EML6: variants seen among roughly 807,000 people sequenced by gnomAD.
The protein encoded by EML6 is echinoderm microtubule-associated protein-like 6.
Under a neutral mutation model 240.1 loss-of-function variants are expected in EML6, and 154 were observed. The ratio of observed to expected loss-of-function variants is 0.64; its 90% confidence interval spans 0.56 to 0.73. The LOEUF (loss-of-function observed/expected upper bound fraction) is 0.73, where lower values mean the gene tolerates loss of function less well. Ranked by LOEUF, EML6 falls within the 30% of genes least tolerant of loss-of-function variation. EML6 has a pLI of 0.00. For missense variants in EML6, 2,964 were observed against 2,474.6 expected, an observed-to-expected ratio of 1.20 and a Z score of -4.20; for synonymous variants, 1,148 against 899.0, an observed-to-expected ratio of 1.28 and a Z score of -4.95.
At chr2:54,825,526 G>A (rs926318665) in intron 5 of EML6, among the ~76,000 whole-genome samples, 4 of 152,118 alleles carry the variant, frequency 2.6e-5, no homozygotes, top group Non-Finnish European at 5.9e-5. Context: ...GCTTCCCAAA[G>A]TGCTGGTATT....
intron 2 of EML6, chr2:54,747,039 A>G (rs1220906372): frequency 2.0e-5 from 3 of 152,226 alleles, no homozygotes; most frequent in Non-Finnish European, 4.4e-5. Context: ...TATTTTCTAC[A>G]GCCTGTGCTC....
At chr2:54,745,473 A>G (rs1260938852) in intron 2 of EML6, among the ~76,000 whole-genome samples, 2 of 152,162 alleles carry the variant, frequency 1.3e-5, no homozygotes, top group Non-Finnish European at 2.9e-5. Context: ...TGTGAAATGA[A>G]AAGGCACAAG....
At chr2:54,728,934 A>G (rs1001533208) in intron 2 of EML6, among the ~76,000 whole-genome samples, 1 of 152,106 alleles carries the variant, frequency 6.6e-6, no homozygotes, top group Non-Finnish European at 1.5e-5. Context: ...GGAATGATTC[A>G]TCTTCCCCGC....
chr2:54,913,078 T>G (rs949017458), intron 25 of EML6, among the ~76,000 whole-genome samples: 4 of 151,434 alleles, frequency 2.6e-5, no homozygotes, highest in African/African-American at 4.8e-5. Context: ...TCTGTTTTTT[T>G]TTTTTTTTTT....
chr2:54,766,760 T>C (rs1481320315), intron 2 of EML6, among the ~76,000 whole-genome samples: 1 of 152,190 alleles, frequency 6.6e-6, no homozygotes, highest in African/African-American at 2.4e-5. Context: ...ATTATTATGA[T>C]TGCCAAATTA....
At chr2:54,896,981 G>C (rs533090603) in intron 21 of EML6, among the ~76,000 whole-genome samples, 2 of 152,308 alleles carry the variant, frequency 1.3e-5, no homozygotes, top group South Asian at 4.1e-4. Context: ...GCATCCTTGA[G>C]GCAATGAGGT....
At chr2:54,781,976 A>G (rs1016092859) in intron 2 of EML6, among the ~76,000 whole-genome samples, 15 of 152,122 alleles carry the variant, frequency 9.9e-5, no homozygotes, top group African/African-American at 3.6e-4. Context: ...GACTACAAAT[A>G]TATCTTTTAA....
At chr2:54,860,487 G>C (rs1050251245) in intron 12 of EML6, among the ~76,000 whole-genome samples, 2 of 152,144 alleles carry the variant, frequency 1.3e-5, no homozygotes, top group Non-Finnish European at 2.9e-5. Context: ...CAGGGATTTA[G>C]AGGGGCAGAC....
At chr2:54,835,162 A>G (rs1669075618) in intron 7 of EML6, among the ~76,000 whole-genome samples, 1 of 152,130 alleles carries the variant, frequency 6.6e-6, no homozygotes, top group East Asian at 1.9e-4. Flanking sequence ...TAGAATTGCA[A>G]CTCATTCTGC....
At chr2:54,741,991 AC>A (rs1306614187) in intron 2 of EML6, among the ~76,000 whole-genome samples, 1 of 152,226 alleles carries the variant, frequency 6.6e-6, no homozygotes, top group Non-Finnish European at 1.5e-5. Flanking sequence ...CAAAGGACAA[AC>A]AATAAGTACA....
At chr2:54,772,438 A>G (rs1284128247) in intron 2 of EML6, among the ~76,000 whole-genome samples, 2 of 152,250 alleles carry the variant, frequency 1.3e-5, no homozygotes, top group Non-Finnish European at 2.9e-5. Context: ...GGTGAAAATT[A>G]TAAAACATTT....
chr2:54,806,844 A>C (rs1670521493), intron 2 of EML6, among the ~76,000 whole-genome samples: 2 of 152,184 alleles, frequency 1.3e-5, no homozygotes, highest in South Asian at 4.2e-4. Context: ...TGGATGAGAA[A>C]CTGGGGCACA....
At chr2:54,938,783 GTTTGTC>G (rs1675280316) in intron 28 of EML6, among the ~76,000 whole-genome samples, 1 of 152,198 alleles carries the variant, frequency 6.6e-6, no homozygotes, top group African/African-American at 2.4e-5. Flanking sequence ...AGAAGATTTT[GTTTGTC>G]TTTGTTCTGT....
At chr2:54,907,930 AGATAGATAGATAGAT>A in intron 24 of EML6, among the ~76,000 whole-genome samples, 1 of 63,368 alleles carries the variant, frequency 1.6e-5, no homozygotes, top group Admixed American at 1.4e-4. Context: ...ATAGATAGAT[AGATAGATAGATAGAT>A]AAGATAGATA....
chr2:54,940,680 G>A (rs987011720), intron 28 of EML6, among the ~76,000 whole-genome samples: 7 of 152,160 alleles, frequency 4.6e-5, no homozygotes, highest in Non-Finnish European at 1.0e-4. Flanking sequence ...CTTGGTCAGC[G>A]ACCACTTTTA....
intron 3 of EML6, among the ~76,000 whole-genome samples, chr2:54,815,054 C>T (rs944881926): frequency 3.3e-5 from 5 of 152,174 alleles, no homozygotes; most frequent in African/African-American, 2.4e-5. Context: ...CTTCTCTAAT[C>T]GGATTTTGTT....
At chr2:54,792,940 G>A (rs1669534809) in intron 2 of EML6, among the ~76,000 whole-genome samples, 1 of 152,150 alleles carries the variant, frequency 6.6e-6, no homozygotes, top group Non-Finnish European at 1.5e-5. Flanking sequence ...TAAAGTTATA[G>A]CATCTGAGCT....
At chr2:54,732,623 A>G (rs939999800) in intron 2 of EML6, among the ~76,000 whole-genome samples, 2 of 152,226 alleles carry the variant, frequency 1.3e-5, no homozygotes, top group African/African-American at 2.4e-5. Context: ...AACTTCTCCC[A>G]TGTAGAAGAT....
chr2:54,794,978 G>T (rs565546898), intron 2 of EML6, among the ~76,000 whole-genome samples: 3 of 152,224 alleles, frequency 2.0e-5, no homozygotes, highest in Middle Eastern at 3.4e-3. Context: ...AGGTCCCACC[G>T]ACCCAGCCTT....
Sources: allele counts gnomAD v4.1 joint callset (sites outside exome capture counted in the v4.1 genomes callset), GRCh38; gene constraint gnomAD v4.1.1; transcripts MANE v1.5; gene names NCBI Gene and HGNC (gene_info 2026-07-23, HGNC 2026-07-21).